The following APCDD1 variants were observed in gnomAD, a reference collection of about 807,000 sequenced individuals.
APCDD1 encodes the protein protein APCDD1.
In APCDD1, 15 loss-of-function variants were observed where a neutral mutation model predicts 38.1. The ratio of observed to expected loss-of-function variants is 0.39; its 90% CI spans 0.26 to 0.61. The LOEUF (loss-of-function observed/expected upper bound fraction) is 0.61, where lower values mean the gene tolerates loss of function less well. Among genes scored for constraint, APCDD1 ranks in the 20% least tolerant of loss-of-function variants. APCDD1 has a pLI of 0.49. For synonymous variants in APCDD1, 261 were observed against 279.7 expected, an observed-to-expected ratio of 0.93 and a Z score of 0.67; for missense variants, 647 against 696.2, an observed-to-expected ratio of 0.93 and a Z score of 0.79.
In APCDD1 at chr18:10,457,827, T is replaced by C. The variant is rs9944654; in HGVS notation, c.58+2788T>C. Among the ~76,000 whole-genome samples, 748 of 152,298 alleles carry C rather than the reference T, an allele frequency of 4.9e-3. 7 individuals are homozygous for C. The highest frequency in any genetic ancestry group is 0.017 in the African/African-American group (693 of 41,582). The stretch of plus-strand genomic sequence containing the variant: ...CCCCTAAATCCTATCAGTGAGTAAA[T>C]GAGGCTCTGGCAAGACTTGAGCCTG... On this transcript the variant is annotated intron_variant, in intron 1 of 4. Transcript: ENST00000355285.
At chr18:10,463,706 T>C (rs908405317) in intron 1 of APCDD1, among the ~76,000 whole-genome samples, 2 of 152,236 alleles carry the variant, frequency 1.3e-5, no homozygotes, top group Non-Finnish European at 2.9e-5. Context: ...ACTGAAGCCC[T>C]AAGAGTCAGT....
In APCDD1 at chr18:10,472,573, G is replaced by A. The variant is rs999842956; in HGVS notation, c.774+512G>A. ...CACCAGAGTCACCCTGGTGAGTCCC[G>A]ACACTCTTAGGCAGAACAGCCTGCT... On this transcript the variant is annotated intron_variant, in intron 3 of 4. Transcript: ENST00000355285. This position sits in a 1 kb window ranked among gnomAD's most constrained non-coding sequence, Gnocchi z 6.6. 1.3e-5 allele frequency among the ~76,000 whole-genome samples: 2 copies of A among 152,102 alleles called. No homozygotes were observed. The highest frequency in any genetic ancestry group is 2.4e-5 in the African/African-American group (1 of 41,414).
chr18:10,485,691 A>G lies in APCDD1; in HGVS notation c.1004A>G (p.Lys335Arg). 6.2e-7 allele frequency: 1 copy of G among 1,614,146 alleles called. No individual in the cohort carries two copies. Among genetic ancestry groups the G allele is most frequent in the Non-Finnish European group, 8.5e-7 (1 of 1,180,036 alleles). The change falls in exon 4 of 5, where the codon AAG (lysine) becomes AGG (arginine). Residue 335 changes from lysine (K) to arginine (R), a missense_variant. Transcript: ENST00000355285. This position sits in a 1 kb window ranked among gnomAD's most constrained non-coding sequence, Gnocchi z 5.8. ...HYYHYSDPVCKHPTFSIYARG... is the reference protein window; with the variant it reads ...HYYHYSDPVCRHPTFSIYARG... Reference sequence around the variant, plus strand: ...TACCACTACTCAGACCCGGTGTGCAAGCACCCCACCTTCTCCATCTACGCC... The same window carrying G: ...TACCACTACTCAGACCCGGTGTGCAGGCACCCCACCTTCTCCATCTACGCC...
In APCDD1 at chr18:10,469,536, A is replaced by C. The variant is rs1248173249; in HGVS notation, c.242+884A>C. On this transcript the variant is annotated intron_variant, in intron 2 of 4. Transcript: ENST00000355285. This position sits in a 1 kb window ranked among gnomAD's most constrained non-coding sequence, Gnocchi z 5.5. Reference sequence around the variant, plus strand: ...GAGTGCCTACCATATGCCAAACACTATTTTAAGTTTTGTTTATATAGCAGT... The same window carrying C: ...GAGTGCCTACCATATGCCAAACACTCTTTTAAGTTTTGTTTATATAGCAGT... 6.6e-6 allele frequency among the ~76,000 whole-genome samples: 1 copy of C among 152,138 alleles called. No homozygotes were observed. Among genetic ancestry groups the C allele is most frequent in the Non-Finnish European group, 1.5e-5 (1 of 68,028 alleles).
rs200082076 is a variant in APCDD1 at position 10,487,825 on chromosome 18, C to A, written c.1332C>A (p.Ser444Arg). 7.9e-4 allele frequency: 1,271 copies of A among 1,613,876 alleles called. 1 individual carries two copies. Among genetic ancestry groups the A allele is most frequent in the Non-Finnish European group, 9.9e-4 (1,173 of 1,180,054 alleles). The part of the protein sequence containing the change: ...RYLLFNGQRP[S>R]DGSSPDRPEK... Reference sequence around the variant, plus strand: ...TGCTGTTCAACGGTCAGAGGCCCAGCGACGGGTCCAGCCCAGACAGGCCAG... The same window carrying A: ...TGCTGTTCAACGGTCAGAGGCCCAGAGACGGGTCCAGCCCAGACAGGCCAG... Residue 444 changes from serine to arginine, a missense_variant, in exon 5 of 5, where the codon AGC (serine) becomes AGA (arginine). Ser to Arg is a moderately radical substitution (Grantham distance 110, BLOSUM62 -1). Transcript: ENST00000355285.
chr18:10,484,109 C>G (rs1261121898), intron 3 of APCDD1, among the ~76,000 whole-genome samples: 1 of 152,178 alleles, frequency 6.6e-6, no homozygotes, highest in Non-Finnish European at 1.5e-5. Flanking sequence ...ATAAAATAGA[C>G]CAGGCAAGAG....
rs555203529 is a variant in APCDD1, at chr18:10,471,678, C to T, written c.391C>T (p.Arg131Cys). ...CATCATCCGGGGCAAGATCCGCCTCCGCCAGGCCTCCTGGATCATCCGAGG... is the reference window on the plus strand; with the variant it reads ...CATCATCCGGGGCAAGATCCGCCTCTGCCAGGCCTCCTGGATCATCCGAGG... ...TLIIRGKIRL[R>C]QASWIIRGGT... Residue 131 changes from arginine to cysteine, a missense_variant, in exon 3 of 5, where the codon CGC becomes TGC. Arg to Cys is a radical substitution (Grantham distance 180, BLOSUM62 -3). Transcript: ENST00000355285. The surrounding 1 kb of genome is among the most constrained non-coding windows in gnomAD (Gnocchi z 5.5). 31 of 1,614,184 alleles carry T rather than the reference C, an allele frequency of 1.9e-5. No homozygotes were observed. The highest frequency in any genetic ancestry group is 1.6e-4 in the Middle Eastern group (1 of 6,062).
Position 10,471,542 on chromosome 18 carries a change from G to T in APCDD1, c.255G>T (p.Arg85Ser), listed in dbSNP as rs1412261166. ...GHWVSTGCEV[R>S]SGPEFITRSY... ...TTTTCTTGCCCAGCTGTGAAGTAAG[G>T]TCAGGCCCAGAGTTCATCACAAGGT... Residue 85 changes from arginine to serine, a missense_variant, in exon 3 of 5, where the codon AGG becomes AGT. Physicochemically the swap from Arg to Ser is moderately radical, Grantham distance 110. Transcript: ENST00000355285. The surrounding 1 kb of genome is among the most constrained non-coding windows in gnomAD (Gnocchi z 5.5). The T allele has an allele frequency of 6.2e-6, 10 of 1,614,158 alleles. No individual in the cohort carries two copies. Among genetic ancestry groups the T allele is most frequent in the Admixed American group, 1.7e-5 (1 of 60,026 alleles).
intron 1 of APCDD1, among the ~76,000 whole-genome samples, chr18:10,457,163 A>G (rs1264708253): frequency 1.3e-5 from 2 of 152,218 alleles, no homozygotes; most frequent in African/African-American, 4.8e-5. Context: ...TAGTGCAGAA[A>G]ATAAACAGAG....
intron 3 of APCDD1, among the ~76,000 whole-genome samples, chr18:10,483,482 T>C (rs1436887063): frequency 2.6e-5 from 4 of 152,248 alleles, no homozygotes; most frequent in Non-Finnish European, 5.9e-5. Context: ...TGCAACTCTA[T>C]GCCCATCTAA....
intron 4 of APCDD1, among the ~76,000 whole-genome samples, chr18:10,486,697 C>CT (rs11296338): frequency 2.0e-5 from 3 of 151,632 alleles, no homozygotes; most frequent in African/African-American, 7.3e-5. Flanking sequence ...TAAAAGGTTG[C>CT]TTTTTTTTTC....
chr18:10,485,499 A>G lies in APCDD1; in HGVS notation c.812A>G (p.Tyr271Cys), dbSNP rs547035524. Residue 271 changes from tyrosine to cysteine, a missense_variant, in exon 4 of 5, where the codon TAT becomes TGT. Coordinates refer to ENST00000355285, the MANE Select transcript of APCDD1 (RefSeq NM_153000.5). The surrounding 1 kb of genome is among the most constrained non-coding windows in gnomAD (Gnocchi z 5.8). ...DHACIACRII[Y>C]RSDEHHPPIL... ...GCCTGCATCGCCTGTCGGATCATCTATCGGTCAGACGAGCACCACCCTCCC... is the reference window on the plus strand; with the variant it reads ...GCCTGCATCGCCTGTCGGATCATCTGTCGGTCAGACGAGCACCACCCTCCC... 4.5e-5 allele frequency: 73 copies of G among 1,614,104 alleles called. No individual in the cohort carries two copies. In the Middle Eastern group the frequency reaches 6.6e-4, roughly 15 times the overall value.
At position 10,471,926 on chromosome 18, in the gene APCDD1, G is replaced by C; in HGVS notation, c.639G>C (p.Arg213=). 1 of 1,614,070 alleles carries C rather than the reference G, an allele frequency of 6.2e-7. No individual in the cohort carries two copies. The highest frequency in any genetic ancestry group is 8.5e-7 in the Non-Finnish European group (1 of 1,180,018). The part of the protein sequence containing the change: ...NFAMHELQLI[R]VEKQYLHHNL... The stretch of plus-strand genomic sequence containing the variant: ...CCATGCATGAACTTCAGCTCATCCG[G>C]GTGGAGAAGCAGTACCTTCACCACA... Residue 213 remains arginine, a synonymous_variant, in exon 3 of 5, where the codon CGG becomes CGC. Coordinates refer to ENST00000355285, the MANE Select transcript of APCDD1 (RefSeq NM_153000.5). The surrounding 1 kb of genome is among the most constrained non-coding windows in gnomAD (Gnocchi z 5.5).
Position 10,485,462 on chromosome 18 carries a change from A to T in APCDD1, c.775A>T (p.Asn259Tyr), listed in dbSNP as rs958631444. 6.2e-7 allele frequency: 1 copy of T among 1,613,806 alleles called. No individual in the cohort carries two copies. The highest frequency in any genetic ancestry group is 8.5e-7 in the Non-Finnish European group (1 of 1,180,030). Residue 259 changes from asparagine (N) to tyrosine (Y), a missense_variant and splice_region_variant, in exon 4 of 5, where the codon AAC (asparagine) becomes TAC (tyrosine). Asn to Tyr is a moderately radical substitution (Grantham distance 143). Coordinates refer to ENST00000355285, the MANE Select transcript of APCDD1 (RefSeq NM_153000.5). This position sits in a 1 kb window ranked among gnomAD's most constrained non-coding sequence, Gnocchi z 5.8. Reference sequence around the variant, plus strand: ...GAATGTGTTTGTTTCTTGGCTTCAGAACCACGACCATGCCTGCATCGCCTG... The same window carrying T: ...GAATGTGTTTGTTTCTTGGCTTCAGTACCACGACCATGCCTGCATCGCCTG... ...SYQPPLQNAKNHDHACIACRI... is the reference protein window; with the variant it reads ...SYQPPLQNAKYHDHACIACRI...
chr18:10,460,427 G>A (rs977465489), intron 1 of APCDD1, among the ~76,000 whole-genome samples: 3 of 152,228 alleles, frequency 2.0e-5, no homozygotes, highest in Admixed American at 2.0e-4. Context: ...CAGCTTCTCG[G>A]GAGGGTGAGG....
Position 10,488,192 on chromosome 18 carries a change from A to C in APCDD1, c.*154A>C, listed in dbSNP as rs576530395. On this transcript the variant is annotated 3_prime_UTR_variant, in exon 5 of 5. Coordinates refer to ENST00000355285, the MANE Select transcript of APCDD1 (RefSeq NM_153000.5). Reference sequence around the variant, plus strand: ...CTCCCTCCCTCCCAGCCCCTGAGTCATGAACAGCAAGGAGTGTTTGAAGTT... The same window carrying C: ...CTCCCTCCCTCCCAGCCCCTGAGTCCTGAACAGCAAGGAGTGTTTGAAGTT... 2.8e-4 allele frequency: 268 copies of C among 954,736 alleles called. 2 individuals carry two copies. In the African/African-American group the frequency reaches 4.0e-3, roughly 14 times the overall value. The allele number at this position is 954,736 out of a possible 1,614,324, so 59.1% of individuals were successfully genotyped here.
chr18:10,471,501 AG>A lies in APCDD1; in HGVS notation c.243-27del. On this transcript the variant is annotated intron_variant, in intron 2 of 4. Coordinates refer to ENST00000355285, the MANE Select transcript of APCDD1 (RefSeq NM_153000.5). The surrounding 1 kb of genome is among the most constrained non-coding windows in gnomAD (Gnocchi z 5.5). ...CTTTCCCATACCTTCAGGCTTACAAAGGTCTCTTCTTCCCCTTTTCTTGCCC... is the reference window on the plus strand; with the variant it reads ...CTTTCCCATACCTTCAGGCTTACAAAGTCTCTTCTTCCCCTTTTCTTGCCC... 1.9e-6 allele frequency: 3 copies of A among 1,614,064 alleles called. No homozygotes were observed. The highest frequency in any genetic ancestry group is 2.5e-6 in the Non-Finnish European group (3 of 1,179,940).
chr18:10,477,715 G>A (rs2031037006), intron 3 of APCDD1: 2 of 152,234 alleles, frequency 1.3e-5, no homozygotes, highest in African/African-American at 4.8e-5. Context: ...TCCAGGGAGT[G>A]TTTGCTGAGC....
rs548629796 is a variant in APCDD1, at chr18:10,485,260, T to TGTA, written c.775-201_775-199dup. Among the ~76,000 whole-genome samples, 409 of 152,284 alleles carry TGTA rather than the reference T, an allele frequency of 2.7e-3. 1 individual carries two copies. Among genetic ancestry groups the TGTA allele is most frequent in the Non-Finnish European group, 3.9e-3 (264 of 68,036 alleles). On this transcript the variant is annotated intron_variant, in intron 3 of 4. Coordinates refer to ENST00000355285, the MANE Select transcript of APCDD1 (RefSeq NM_153000.5). This position sits in a 1 kb window ranked among gnomAD's most constrained non-coding sequence, Gnocchi z 5.8. ...CACACCTGAAATGTTTGCATAGGTC[T>TGTA]GTACTGTCAGGCAAACGTGTGCACT...
Sources: gnomAD v4.1 joint callset for allele counts (sites outside exome capture counted in the v4.1 genomes callset) on GRCh38, gnomAD v4.1.1 for gene constraint, Gnocchi (gnomAD v3.1) non-coding constraint, MANE v1.5 for transcripts, NCBI Gene and HGNC (gene_info 2026-07-23, HGNC 2026-07-21) for gene names.